PRUNE2: variants seen among roughly 807,000 people sequenced by gnomAD.
PRUNE2 encodes protein prune homolog 2.
In PRUNE2, 164 loss-of-function variants were observed where a neutral mutation model predicts 252.0. That is an observed-to-expected ratio of 0.65 (90% CI 0.57 to 0.74). The LOEUF (loss-of-function observed/expected upper bound fraction) is 0.74, where lower values mean the gene tolerates loss of function less well. Ranked by LOEUF, PRUNE2 falls within the 30% of genes least tolerant of loss-of-function variation. The pLI is 0.00. For synonymous variants in PRUNE2, 1,292 were observed against 1,350.2 expected (o/e 0.96, Z 0.94); for missense variants, 3,495 against 3,711.0 (o/e 0.94, Z 1.51).
Position 76,710,108 on chromosome 9 carries a change from C to T in PRUNE2, c.2166G>A (p.Gln722=). 1 of 1,613,956 alleles carries T rather than the reference C, an allele frequency of 6.2e-7. No individual in the cohort carries two copies. The part of the protein sequence containing the change: ...KSGPWESEFG[Q]PELGSNDIQD... ...GAATATCATTGCTACCCAGTTCAGGCTGACCAAATTCAGACTCCCAGGGAC... is the reference window on the plus strand; with the variant it reads ...GAATATCATTGCTACCCAGTTCAGGTTGACCAAATTCAGACTCCCAGGGAC... Residue 722 remains glutamine (Q), a synonymous_variant, in exon 8 of 19, where the codon CAG becomes CAA. Coordinates refer to ENST00000376718, the MANE Select transcript of PRUNE2 (RefSeq NM_015225.3).
chr9:76,852,804 CTGTCTATCTATCTATCTAT>C (rs1365598464), intron 2 of PRUNE2, among the ~76,000 whole-genome samples: 1 of 41,838 alleles, frequency 2.4e-5, no homozygotes. Flanking sequence ...ATCTGTCTGT[CTGTCTATCTATCTATCTAT>C]CTATCTATCT....
At chr9:76,860,492 G>T (rs762900629) in intron 1 of PRUNE2, among the ~76,000 whole-genome samples, 17 of 152,184 alleles carry the variant, frequency 1.1e-4, no homozygotes, top group Admixed American at 2.6e-4. Flanking sequence ...GCAAGATGGA[G>T]TCAGTTGGCA....
intron 6 of PRUNE2, among the ~76,000 whole-genome samples, chr9:76,777,693 A>T (rs571812852): frequency 6.9e-4 from 105 of 152,374 alleles, no homozygotes; most frequent in African/African-American, 2.4e-3. Context: ...TAGACATGTT[A>T]TATGTCAATG....
intron 6 of PRUNE2, chr9:76,740,099 T>C (rs2049461202): frequency 6.6e-6 from 1 of 150,662 alleles, no homozygotes; most frequent in African/African-American, 2.4e-5. Context: ...AAATATCCAG[T>C]GCTCAGTGAA....
chr9:76,862,073 A>G (rs1237067881), intron 1 of PRUNE2: 4 of 152,218 alleles, frequency 2.6e-5, no homozygotes, highest in African/African-American at 7.2e-5. Flanking sequence ...TTTGACCTCC[A>G]TGGTTTCACA....
At chr9:76,875,040 A>T (rs1282191887) in intron 1 of PRUNE2, among the ~76,000 whole-genome samples, 2 of 152,072 alleles carry the variant, frequency 1.3e-5, no homozygotes, top group East Asian at 3.9e-4. Flanking sequence ...TTCTCCCGCT[A>T]CACACACCCC....
At chr9:76,658,340 A>T (rs1471652237) in intron 9 of PRUNE2, among the ~76,000 whole-genome samples, 1 of 152,172 alleles carries the variant, frequency 6.6e-6, no homozygotes, top group African/African-American at 2.4e-5. Flanking sequence ...CCTGGGCAAA[A>T]AGAGCAAAAC....
At chr9:76,882,633 G>A (rs1232246297) in intron 1 of PRUNE2, among the ~76,000 whole-genome samples, 1 of 152,090 alleles carries the variant, frequency 6.6e-6, no homozygotes. Context: ...AGAGAGAGGG[G>A]AGGTGCTACA....
intron 4 of PRUNE2, among the ~76,000 whole-genome samples, chr9:76,832,116 CA>C (rs1351081605): frequency 2.6e-5 from 4 of 151,944 alleles, no homozygotes; most frequent in African/African-American, 9.7e-5. Context: ...ATATATAAAG[CA>C]AAAACTGAAA....
rs2057424146 is a variant in PRUNE2, at chr9:76,812,538, C to T, written c.756+11094G>A. Among the ~76,000 whole-genome samples the T allele has an allele frequency of 2.0e-5, 3 of 152,166 alleles. No homozygotes were observed. The South Asian group carries it at 6.2e-4, about 32-fold the overall frequency. On this transcript the variant is annotated intron_variant, in intron 6 of 18. Transcript: ENST00000376718. Reference sequence around the variant, plus strand: ...TGCATTTTAAAAAAAACTATGAGCACTTCTACTACGATATCTCACAAAGAG... The same window carrying T: ...TGCATTTTAAAAAAAACTATGAGCATTTCTACTACGATATCTCACAAAGAG...
chr9:76,707,197 C>T lies in PRUNE2; in HGVS notation c.5077G>A (p.Gly1693Ser), dbSNP rs781619098. 25 of 1,613,850 alleles carry T rather than the reference C, an allele frequency of 1.5e-5. No homozygotes were observed. The highest frequency in any genetic ancestry group is 1.6e-4 in the Middle Eastern group (1 of 6,084). ...TCTTCCTCTATTGACTCTTCACCAC[C>T]GACACTGTCATCATCAGAACCTGAG... ...TSSGSDDDSV[G>S]GEESIEEEIQ... is the part of the protein sequence containing the mutation. The change falls in exon 8 of 19, where the codon GGT (glycine) becomes AGT (serine). Residue 1693 changes from glycine to serine, a missense_variant. Coordinates refer to ENST00000376718, the MANE Select transcript of PRUNE2 (RefSeq NM_015225.3).
chr9:76,819,564 C>T (rs1436529762), intron 6 of PRUNE2: 6 of 152,170 alleles, frequency 3.9e-5, no homozygotes, highest in African/African-American at 9.7e-5. Context: ...TTGTTTAAGA[C>T]GTCTAGTTTG....
At chr9:76,865,523 T>C (rs1487560499) in intron 1 of PRUNE2, among the ~76,000 whole-genome samples, 2 of 152,170 alleles carry the variant, frequency 1.3e-5, no homozygotes, top group Non-Finnish European at 2.9e-5. Context: ...CCTCAGGCCT[T>C]TGTGTCCCCA....
At chr9:76,733,846 T>G (rs2048845232) in intron 6 of PRUNE2, 2 of 152,192 alleles carry the variant, frequency 1.3e-5, no homozygotes, top group South Asian at 2.1e-4. Flanking sequence ...CATTTTACTC[T>G]TAGGGTTTTT....
chr9:76,808,996 C>T (rs1473509052), intron 6 of PRUNE2: 1 of 152,280 alleles, frequency 6.6e-6, no homozygotes, highest in African/African-American at 2.4e-5. Flanking sequence ...GCTCTCTCTC[C>T]TCCCTCCTAG....
At chr9:76,682,148 C>T (rs886232938) in intron 9 of PRUNE2, among the ~76,000 whole-genome samples, 28 of 152,046 alleles carry the variant, frequency 1.8e-4, no homozygotes, top group African/African-American at 6.5e-4. Context: ...CCAGAAGCCC[C>T]TCAGTAGACG....
chr9:76,877,325 C>T (rs941619784), intron 1 of PRUNE2, among the ~76,000 whole-genome samples: 4 of 151,808 alleles, frequency 2.6e-5, no homozygotes, highest in South Asian at 4.2e-4. Context: ...GGCAACATGG[C>T]GAAACCCCAT....
intron 6 of PRUNE2, among the ~76,000 whole-genome samples, chr9:76,792,280 C>G (rs572458818): frequency 6.6e-6 from 1 of 152,254 alleles, no homozygotes; most frequent in South Asian, 2.1e-4. Context: ...TTGCCTGTCA[C>G]CATGTAAGAT....
chr9:76,626,635 G>A (rs1339649240), intron 16 of PRUNE2, among the ~76,000 whole-genome samples: 1 of 152,174 alleles, frequency 6.6e-6, no homozygotes, highest in African/African-American at 2.4e-5. Flanking sequence ...GCAGTTGAAT[G>A]AAAAATGTCC....
Sources: allele counts gnomAD v4.1 joint callset (sites outside exome capture counted in the v4.1 genomes callset), GRCh38; gene constraint gnomAD v4.1.1; transcripts MANE v1.5; gene names NCBI Gene and HGNC (gene_info 2026-07-23, HGNC 2026-07-21).